TAOK1: variants seen among roughly 807,000 people sequenced by gnomAD.
TAOK1 encodes the protein TAO kinase 1.
TAOK1 carries 21 observed loss-of-function variants against 138.3 expected under a neutral mutation model. That is an observed-to-expected ratio of 0.15 (90% CI 0.11 to 0.22). The LOEUF (loss-of-function observed/expected upper bound fraction) is 0.22. Ranked by LOEUF, TAOK1 falls within the 10% of genes least tolerant of loss-of-function variation. The pLI, the probability that TAOK1 is intolerant of heterozygous loss-of-function variation, is 1.00. For synonymous variants in TAOK1, 361 were observed against 398.4 expected, an observed-to-expected ratio of 0.91 and a Z score of 1.12; for missense variants, 651 against 1,227.7, an observed-to-expected ratio of 0.53 and a Z score of 7.02.
chr17:29,533,925 A>G (rs2032177916), intron 18 of TAOK1, among the ~76,000 whole-genome samples, 193 bp from the exon 19 acceptor site: 1 of 152,032 alleles, frequency 6.6e-6, no homozygotes, highest in African/African-American at 2.4e-5. Flanking sequence ...TGATAGCTTT[A>G]TCTTCATACC....
intron 1 of TAOK1, among the ~76,000 whole-genome samples, chr17:29,437,350 C>T (rs1906067009): frequency 6.6e-6 from 1 of 152,084 alleles, no homozygotes; most frequent in Admixed American, 6.6e-5. Context: ...GTTTGAGCCA[C>T]TGTGCCTGGC....
intron 1 of TAOK1, among the ~76,000 whole-genome samples, chr17:29,420,430 C>G (rs1905394329): frequency 6.6e-6 from 1 of 152,038 alleles, no homozygotes; most frequent in Admixed American, 6.6e-5. Context: ...TCTGTGTACA[C>G]AATTACGTTT....
intron 9 of TAOK1, 44 bp downstream of exon 9, chr17:29,489,801 A>C (rs1378226187): frequency 7.3e-7 from 1 of 1,370,798 alleles, no homozygotes; most frequent in Admixed American, 2.3e-5. Flanking sequence ...TGAATAAATG[A>C]AATGCTTTTT....
At position 29,526,819 on chromosome 17, in the gene TAOK1, T is replaced by TTAAAA. The variant is rs770263137; in HGVS notation, c.2149-3588_2149-3587insTAAAA. On this transcript the variant is annotated intron_variant, in intron 17 of 19. Transcript: ENST00000261716. ...GGCAGCATAGGGAGATCTCATCTCT[T>TTAAAA]AAAAAAAAAAAAAAAAAAAAAAAAA... is the stretch of plus-strand genomic sequence containing the variant. Among the ~76,000 whole-genome samples, 21 of 50,952 alleles carry TTAAAA rather than the reference T, an allele frequency of 4.1e-4. 6 individuals carry two copies. Among genetic ancestry groups the TTAAAA allele is most frequent in the Admixed American group, 2.0e-3 (7 of 3,498 alleles). The allele number at this position is 50,952 out of a possible 152,430, so 33.4% of individuals were successfully genotyped here.
At chr17:29,462,644 G>A (rs1282146596) in intron 2 of TAOK1, among the ~76,000 whole-genome samples, 2 of 152,120 alleles carry the variant, frequency 1.3e-5, no homozygotes, top group Non-Finnish European at 2.9e-5. Context: ...AGTGATTACA[G>A]TAAATTGTTT....
At chr17:29,397,837 G>A (rs1904709832) in intron 1 of TAOK1, among the ~76,000 whole-genome samples, 1 of 147,538 alleles carries the variant, frequency 6.8e-6, no homozygotes, top group Middle Eastern at 3.4e-3. Flanking sequence ...ATATATATGT[G>A]TATATATATA....
At chr17:29,444,878 C>T (rs1320679050) in intron 1 of TAOK1, among the ~76,000 whole-genome samples, 2 of 152,130 alleles carry the variant, frequency 1.3e-5, no homozygotes, top group Non-Finnish European at 2.9e-5. Context: ...TGTATAAATT[C>T]TACCCATATA....
intron 1 of TAOK1, among the ~76,000 whole-genome samples, chr17:29,447,955 CTTT>C (rs56163080): frequency 3.8e-4 from 35 of 93,238 alleles, no homozygotes; most frequent in African/African-American, 1.2e-3. Flanking sequence ...TGCACCTGGT[CTTT>C]TTTTTTTTTT....
At chr17:29,509,049 A>T (rs1349539365) in intron 14 of TAOK1, among the ~76,000 whole-genome samples, 1 of 152,142 alleles carries the variant, frequency 6.6e-6, no homozygotes, top group Non-Finnish European at 1.5e-5. Context: ...AGTAGTAGGG[A>T]CCCTGACAAA....
chr17:29,458,483 A>G (rs2030448216), intron 2 of TAOK1, among the ~76,000 whole-genome samples: 1 of 152,004 alleles, frequency 6.6e-6, no homozygotes, highest in African/African-American at 2.4e-5. Context: ...GTATTTCAAT[A>G]TGGTTTTTTT....
intron 19 of TAOK1, among the ~76,000 whole-genome samples, chr17:29,539,538 G>A (rs975817288): frequency 5.9e-5 from 9 of 152,144 alleles, no homozygotes; most frequent in African/African-American, 2.2e-4. Context: ...CCGGGTTCAA[G>A]CAATTCTCCT....
At chr17:29,419,070 T>A (rs185668603) in intron 1 of TAOK1, among the ~76,000 whole-genome samples, 13 of 152,242 alleles carry the variant, frequency 8.5e-5, no homozygotes, top group Admixed American at 4.6e-4. Context: ...AGTCTCCCAG[T>A]CTATGAATTT....
intron 1 of TAOK1, among the ~76,000 whole-genome samples, chr17:29,410,522 G>T (rs889699218): frequency 8.9e-5 from 13 of 146,732 alleles, no homozygotes; most frequent in South Asian, 2.2e-4. Flanking sequence ...CAAAGTGCTG[G>T]GATAACAGGC....
chr17:29,429,810 C>A (rs763381576), intron 1 of TAOK1, among the ~76,000 whole-genome samples: 5 of 152,138 alleles, frequency 3.3e-5, no homozygotes, highest in Admixed American at 1.3e-4. Flanking sequence ...ACCCTTCAGG[C>A]ACTTGTGCAT....
intron 1 of TAOK1, among the ~76,000 whole-genome samples, chr17:29,410,635 G>GTTTTTTTTTTTTTT (rs1207404073): frequency 7.3e-6 from 1 of 136,896 alleles, no homozygotes. Context: ...TTTTTTTTTG[G>GTTTTTTTTTTTTTT]TTTTTTTTTT....
At position 29,526,093 on chromosome 17, in the gene TAOK1, TG is replaced by T. The variant is rs1404945916; in HGVS notation, c.2148+3576del. Among the ~76,000 whole-genome samples the T allele has an allele frequency of 3.3e-5, 5 of 151,466 alleles. No individual in the cohort carries two copies. The East Asian group carries it at 9.7e-4, about 29-fold the overall frequency. On this transcript the variant is annotated intron_variant, in intron 17 of 19. Transcript: ENST00000261716. ...GAGTTCGAGACCAGCCTGACCAACA[TG>T]GAAAAACCCCATCTCTACTAAAAAT...
chr17:29,467,039 C>A, intron 2 of TAOK1, 106 bp from the exon 3 acceptor site: 2 of 725,880 alleles, frequency 2.8e-6, no homozygotes, highest in Non-Finnish European at 4.1e-6. Context: ...TTTTGATGTC[C>A]TTTTTGACAT....
intron 1 of TAOK1, among the ~76,000 whole-genome samples, chr17:29,427,925 CAAAAAAA>C (rs34918500): frequency 8.7e-6 from 1 of 115,018 alleles, no homozygotes; most frequent in African/African-American, 3.2e-5. Context: ...GACTCTGTCT[CAAAAAAA>C]AAAAAAAAAA....
At chr17:29,508,392 A>G (rs56284169) in intron 14 of TAOK1, among the ~76,000 whole-genome samples, 2,329 of 152,338 alleles carry the variant, frequency 0.015, 58 homozygotes, top group African/African-American at 0.053. Context: ...TCATTGGAGT[A>G]GTCCACTTTA....
Sources: allele counts gnomAD v4.1 joint callset (sites outside exome capture counted in the v4.1 genomes callset), GRCh38; gene constraint gnomAD v4.1.1; transcripts MANE v1.5; gene names NCBI Gene and HGNC (gene_info 2026-07-23, HGNC 2026-07-21).